Variants in CCDC148 observed in about 807,000 individuals in gnomAD.
The protein encoded by CCDC148 is coiled-coil domain-containing protein 148.
CCDC148 carries 89 observed loss-of-function variants against 85.7 expected under a neutral mutation model. That is an observed-to-expected ratio of 1.04 (90% CI 0.87 to 1.24). CCDC148 has a LOEUF of 1.24. Ranked by LOEUF, CCDC148 falls within the 50% of genes most tolerant of loss-of-function variation. CCDC148 has a pLI of 0.00. For synonymous variants in CCDC148, 230 were observed against 213.9 expected (o/e 1.08, Z -0.66); for missense variants, 692 against 671.7 (o/e 1.03, Z -0.33).
At chr2:158,318,022 A>T (rs115620226) in intron 7 of CCDC148, among the ~76,000 whole-genome samples, 2 of 152,134 alleles carry the variant, frequency 1.3e-5, no homozygotes, top group Non-Finnish European at 2.9e-5. Flanking sequence ...GTCTGGCTGC[A>T]TCGGGTCTGA....
chr2:158,291,553 C>T (rs962773821), intron 9 of CCDC148, among the ~76,000 whole-genome samples: 4 of 152,196 alleles, frequency 2.6e-5, no homozygotes, highest in African/African-American at 9.7e-5. Flanking sequence ...CAATCCTATC[C>T]TTGAGCAATT....
At chr2:158,423,070 G>A (rs1256807698) in intron 1 of CCDC148, among the ~76,000 whole-genome samples, 1 of 152,108 alleles carries the variant, frequency 6.6e-6, no homozygotes, top group African/African-American at 2.4e-5. Flanking sequence ...ACTGCTCAAC[G>A]AAATAAAAGA....
At chr2:158,322,319 A>T (rs1174721811) in intron 7 of CCDC148, among the ~76,000 whole-genome samples, 1 of 152,132 alleles carries the variant, frequency 6.6e-6, no homozygotes, top group Non-Finnish European at 1.5e-5. Context: ...TATCCATCTA[A>T]TTTAAAAATA....
chr2:158,357,243 AAAG>A (rs1683703942), intron 2 of CCDC148, among the ~76,000 whole-genome samples: 1 of 151,808 alleles, frequency 6.6e-6, no homozygotes, highest in South Asian at 2.1e-4. Context: ...AAATAAAAAA[AAAG>A]AAGACAAAAA....
At chr2:158,450,644 T>G (rs1162669778) in intron 1 of CCDC148, among the ~76,000 whole-genome samples, 1 of 152,214 alleles carries the variant, frequency 6.6e-6, no homozygotes, top group African/African-American at 2.4e-5. Flanking sequence ...CTCTAGTTTG[T>G]TTTGTTTCTA....
At chr2:158,339,756 A>G (rs2105242037) in intron 5 of CCDC148, among the ~76,000 whole-genome samples, 1 of 152,324 alleles carries the variant, frequency 6.6e-6, no homozygotes, top group African/African-American at 2.4e-5. Context: ...TAGCCAGTAC[A>G]GGAATGGGCC....
chr2:158,356,010 G>A lies in CCDC148; in HGVS notation c.147+2439C>T, dbSNP rs931801495. ...TTCCCTATTTAATAAATGGTGCTGG[G>A]AAAACTGGCTAGCCATATGTAGAAA... On this transcript the variant is annotated intron_variant, in intron 2 of 13. Transcript: ENST00000283233. 4.4e-5 allele frequency among the ~76,000 whole-genome samples: 6 copies of A among 135,848 alleles called. 1 individual carries two copies. Among genetic ancestry groups the A allele is most frequent in the Admixed American group, 4.2e-4 (6 of 14,252 alleles). 89.1% of individuals were successfully genotyped at this position (135,848 alleles called of 152,430 possible).
intron 10 of CCDC148, among the ~76,000 whole-genome samples, chr2:158,236,762 A>G (rs1034245778): frequency 2.0e-5 from 3 of 152,136 alleles, no homozygotes; most frequent in Non-Finnish European, 2.9e-5. Context: ...ATCAAAGGAG[A>G]GTGATATACT....
At chr2:158,237,322 G>C (rs936060162) in intron 10 of CCDC148, among the ~76,000 whole-genome samples, 1 of 152,124 alleles carries the variant, frequency 6.6e-6, no homozygotes, top group African/African-American at 2.4e-5. Context: ...TTTCTGCAGA[G>C]CAGTGACATG....
At chr2:158,219,761 A>G (rs1324292964) in intron 11 of CCDC148, among the ~76,000 whole-genome samples, 2 of 152,208 alleles carry the variant, frequency 1.3e-5, no homozygotes, top group African/African-American at 4.8e-5. Context: ...AACGCACCCA[A>G]GAACTTCTCC....
At chr2:158,349,326 G>T (rs1198458049) in intron 2 of CCDC148, among the ~76,000 whole-genome samples, 2 of 151,850 alleles carry the variant, frequency 1.3e-5, no homozygotes, top group Admixed American at 1.3e-4. Context: ...TAAAAAAAGA[G>T]TTTATTTAAA....
chr2:158,302,779 T>TAAA (rs5835699), intron 9 of CCDC148, among the ~76,000 whole-genome samples: 2 of 135,904 alleles, frequency 1.5e-5, no homozygotes, highest in African/African-American at 5.6e-5. Context: ...TGAGACTCCA[T>TAAA]AAAAAAAAAA....
intron 7 of CCDC148, 73 bp from the exon 8 acceptor site, chr2:158,313,967 T>C: frequency 7.0e-7 from 1 of 1,418,970 alleles, no homozygotes; most frequent in East Asian, 2.4e-5. Context: ...CTGTTCAAGC[T>C]ACTAGCAAGT....
chr2:158,427,233 T>A (rs1322375418), intron 1 of CCDC148, among the ~76,000 whole-genome samples: 1 of 152,182 alleles, frequency 6.6e-6, no homozygotes, highest in East Asian at 1.9e-4. Flanking sequence ...ATAAAGTGTT[T>A]AACAAATTTT....
At chr2:158,360,790 C>G (rs565852397) in intron 1 of CCDC148, among the ~76,000 whole-genome samples, 1 of 152,048 alleles carries the variant, frequency 6.6e-6, no homozygotes, top group African/African-American at 2.4e-5. Flanking sequence ...CATGACACCT[C>G]GTCAGCAAGG....
At chr2:158,446,134 G>C (rs1446073881) in intron 1 of CCDC148, among the ~76,000 whole-genome samples, 1 of 152,132 alleles carries the variant, frequency 6.6e-6, no homozygotes, top group Non-Finnish European at 1.5e-5. Flanking sequence ...GATCATTTGA[G>C]GCTAGGGGTT....
chr2:158,352,254 G>C (rs1683351079), intron 2 of CCDC148, among the ~76,000 whole-genome samples: 1 of 150,598 alleles, frequency 6.6e-6, no homozygotes, highest in African/African-American at 2.4e-5. Context: ...GAGAGAAGAA[G>C]GCTTCAGACG....
At chr2:158,430,939 T>C (rs1042840750) in intron 1 of CCDC148, among the ~76,000 whole-genome samples, 1 of 150,662 alleles carries the variant, frequency 6.6e-6, no homozygotes, top group Non-Finnish European at 1.5e-5. Context: ...ATATGTAAAA[T>C]GAAAATGTCA....
chr2:158,370,672 GT>G (rs1684399883), intron 1 of CCDC148, among the ~76,000 whole-genome samples: 1 of 150,708 alleles, frequency 6.6e-6, no homozygotes, highest in Non-Finnish European at 1.5e-5. Flanking sequence ...TAAATTTATT[GT>G]CCTGAAAAAA....
Sources: gnomAD v4.1 joint callset for allele counts (sites outside exome capture counted in the v4.1 genomes callset) on GRCh38, gnomAD v4.1.1 for gene constraint, MANE v1.5 for transcripts, NCBI Gene and HGNC (gene_info 2026-07-23, HGNC 2026-07-21) for gene names.